The following ADIPOR2 variants were observed in gnomAD, a reference collection of about 807,000 sequenced individuals.
ADIPOR2 encodes adiponectin receptor 2.
ADIPOR2 carries 18 observed loss-of-function variants against 40.9 expected under a neutral mutation model. That is an observed-to-expected ratio of 0.44 (90% confidence interval 0.30 to 0.65). The LOEUF (loss-of-function observed/expected upper bound fraction) is 0.65, where lower values mean the gene tolerates loss of function less well. Among genes scored for constraint, ADIPOR2 ranks in the 30% least tolerant of loss-of-function variants. The probability of loss-of-function intolerance (pLI) is 0.09; values close to 1 mark genes in which losing one functional copy is unlikely to be tolerated. For synonymous variants in ADIPOR2, 165 were observed against 166.4 expected (o/e 0.99, Z 0.06); for missense variants, 283 against 479.2 (o/e 0.59, Z 3.82).
intron 2 of ADIPOR2, among the ~76,000 whole-genome samples, chr12:1,771,779 G>A (rs1190226337): frequency 1.3e-5 from 2 of 152,176 alleles, no homozygotes; most frequent in Non-Finnish European, 1.5e-5. Flanking sequence ...TTTGATTAGA[G>A]GTAGAGGATT....
chr12:1,753,691 C>T (rs2154443464), intron 1 of ADIPOR2, among the ~76,000 whole-genome samples: 1 of 152,110 alleles, frequency 6.6e-6, no homozygotes, highest in African/African-American at 2.4e-5. Flanking sequence ...TTTTGTTTTC[C>T]TTTACCTGTG....
intron 1 of ADIPOR2, among the ~76,000 whole-genome samples, chr12:1,701,946 A>G (rs190434242): frequency 2.6e-4 from 39 of 152,224 alleles, no homozygotes; most frequent in Admixed American, 1.8e-3. Flanking sequence ...ACATGGTGAA[A>G]CTCCATCTCT....
At chr12:1,693,274 A>G (rs2094631019) in intron 1 of ADIPOR2, among the ~76,000 whole-genome samples, 1 of 131,196 alleles carries the variant, frequency 7.6e-6, no homozygotes, top group Non-Finnish European at 1.8e-5. Flanking sequence ...CCAGAGAGCC[A>G]TGTGGCCTGT....
At chr12:1,754,044 G>T (rs1862059900) in intron 1 of ADIPOR2, among the ~76,000 whole-genome samples, 1 of 152,064 alleles carries the variant, frequency 6.6e-6, no homozygotes, top group African/African-American at 2.4e-5. Flanking sequence ...TAACATATAA[G>T]TGGGAACATA....
chr12:1,786,015 C>T lies in ADIPOR2; in HGVS notation c.1104C>T (p.Asn368=). 1.2e-6 allele frequency: 2 copies of T among 1,614,144 alleles called. No homozygotes were observed. Among genetic ancestry groups the T allele is most frequent in the South Asian group, 1.1e-5 (1 of 91,082 alleles). ...GAFVHFHGVS[N]LQEFRFMIGG... ...TTGTTCACTTCCATGGTGTCTCAAA[C>T]CTCCAGGAGTTTCGTTTCATGATCG... Residue 368 remains asparagine, a synonymous_variant, in exon 8 of 8, where the codon AAC becomes AAT. Transcript: ENST00000357103.
At chr12:1,758,115 G>A (rs1183708156) in intron 2 of ADIPOR2, 2 of 512,762 alleles carry the variant, frequency 3.9e-6, no homozygotes, top group East Asian at 3.3e-5. Flanking sequence ...TTTATGTGTT[G>A]TAATACTATA....
intron 1 of ADIPOR2, among the ~76,000 whole-genome samples, chr12:1,729,647 T>TC (rs2094715867): frequency 1.5e-4 from 1 of 6,550 alleles, no homozygotes; most frequent in Non-Finnish European, 8.9e-4. Flanking sequence ...TTTTTGAGTG[T>TC]TTTTTTTTGA....
chr12:1,706,554 G>T (rs2094663119), intron 1 of ADIPOR2, among the ~76,000 whole-genome samples: 1 of 151,992 alleles, frequency 6.6e-6, no homozygotes, highest in Non-Finnish European at 1.5e-5. Flanking sequence ...TGTAATCTAG[G>T]CTTATGTAAA....
At chr12:1,748,422 A>G (rs1013330999) in intron 1 of ADIPOR2, among the ~76,000 whole-genome samples, 27 of 151,710 alleles carry the variant, frequency 1.8e-4, no homozygotes, top group Admixed American at 5.3e-4. Flanking sequence ...CTAATTTTTT[A>G]TATTTTTATT....
At chr12:1,756,447 G>C (rs1477422442) in intron 2 of ADIPOR2, among the ~76,000 whole-genome samples, 2 of 140,124 alleles carry the variant, frequency 1.4e-5, no homozygotes, top group African/African-American at 5.2e-5. Flanking sequence ...ACTGTGCCTG[G>C]CCTTCTTTTT....
intron 1 of ADIPOR2, among the ~76,000 whole-genome samples, chr12:1,701,621 A>T (rs1247658750): frequency 6.6e-6 from 1 of 152,190 alleles, no homozygotes; most frequent in Non-Finnish European, 1.5e-5. Flanking sequence ...TGACAGTTTC[A>T]TATGGCCCAC....
At chr12:1,745,084 G>A (rs1451615180) in intron 1 of ADIPOR2, among the ~76,000 whole-genome samples, 1 of 152,160 alleles carries the variant, frequency 6.6e-6, no homozygotes, top group Non-Finnish European at 1.5e-5. Context: ...TAGCAAAACT[G>A]CCCATTTGAG....
chr12:1,748,404 A>G (rs1488630014), intron 1 of ADIPOR2, among the ~76,000 whole-genome samples: 2 of 151,998 alleles, frequency 1.3e-5, no homozygotes, highest in African/African-American at 2.4e-5. Flanking sequence ...GCCCGCCACC[A>G]CGCCTGGCTA....
At chr12:1,755,441 G>T (rs573298208) in intron 2 of ADIPOR2, among the ~76,000 whole-genome samples, 1 of 152,292 alleles carries the variant, frequency 6.6e-6, no homozygotes, top group South Asian at 2.1e-4. Flanking sequence ...CGTGGTCTAT[G>T]GGTACCATAT....
intron 2 of ADIPOR2, chr12:1,757,904 G>T: frequency 1.2e-6 from 1 of 834,350 alleles, no homozygotes; most frequent in Non-Finnish European, 2.1e-6. Flanking sequence ...CTCTCAACTT[G>T]TGGGGACTAG....
At chr12:1,728,476 A>C (rs2094712554) in intron 1 of ADIPOR2, among the ~76,000 whole-genome samples, 1 of 151,342 alleles carries the variant, frequency 6.6e-6, no homozygotes, top group Admixed American at 6.6e-5. Context: ...TGATCCCAGC[A>C]CTTTGAGAGG....
At chr12:1,707,608 G>T (rs1041267627) in intron 1 of ADIPOR2, among the ~76,000 whole-genome samples, 1 of 152,028 alleles carries the variant, frequency 6.6e-6, no homozygotes, top group Non-Finnish European at 1.5e-5. Context: ...GGGACTACAG[G>T]TGCATGCCAC....
At position 1,754,284 on chromosome 12, in the gene ADIPOR2, T is replaced by G; in HGVS notation, c.-60T>G. ...ATCAACTCACTATCCTGAAGGTCCA[T>G]TCTCCCAAGAAGAGGGGACAGAAAG... On this transcript the variant is annotated 5_prime_UTR_variant, in exon 2 of 8. Coordinates refer to ENST00000357103, the MANE Select transcript of ADIPOR2 (RefSeq NM_024551.3). 1 of 1,446,288 alleles carries G rather than the reference T, an allele frequency of 6.9e-7. No individual in the cohort carries two copies. The highest frequency in any genetic ancestry group is 1.7e-5 in the South Asian group (1 of 60,042). 89.6% of individuals were successfully genotyped at this position (1,446,288 alleles called of 1,614,324 possible).
At chr12:1,749,185 C>T (rs1444571316) in intron 1 of ADIPOR2, among the ~76,000 whole-genome samples, 3 of 152,158 alleles carry the variant, frequency 2.0e-5, no homozygotes, top group African/African-American at 7.2e-5. Flanking sequence ...ACTTTCATGT[C>T]CTCCCTGGAT....
Sources: allele counts gnomAD v4.1 joint callset (sites outside exome capture counted in the v4.1 genomes callset), GRCh38; gene constraint gnomAD v4.1.1; transcripts MANE v1.5; gene names NCBI Gene and HGNC (gene_info 2026-07-23, HGNC 2026-07-21).